The following FCSK variants were observed in gnomAD, a reference collection of about 807,000 sequenced individuals.
FCSK encodes fucose kinase.
A neutral mutation model predicts 122.5 loss-of-function variants in FCSK; 123 were observed. The ratio of observed to expected loss-of-function variants is 1.00; its 90% CI spans 0.87 to 1.17. The LOEUF (loss-of-function observed/expected upper bound fraction) is 1.17. Among genes scored for constraint, FCSK ranks in the 50% most tolerant of loss-of-function variants. FCSK has a pLI of 0.00. For missense variants in FCSK, 1,366 were observed against 1,450.4 expected, an observed-to-expected ratio of 0.94 and a Z score of 0.95; for synonymous variants, 620 against 625.5, an observed-to-expected ratio of 0.99 and a Z score of 0.13.
chr16:70,476,448 C>G (rs2048820268), intron 20 of FCSK: 1 of 152,526 alleles, frequency 6.6e-6, no homozygotes, highest in African/African-American at 2.4e-5. Context: ...GATATGATCA[C>G]CTGTGCCCCC....
In FCSK at chr16:70,454,617, CCGGGCGA is replaced by C. The variant is rs1319312233; in HGVS notation, c.-32_-26del. 6.6e-6 allele frequency: 1 copy of C among 152,194 alleles called. No individual in the cohort carries two copies. Among genetic ancestry groups the C allele is most frequent in the Non-Finnish European group, 1.5e-5 (1 of 68,032 alleles). The allele number at this position is 152,194 out of a possible 1,614,324, so 9.4% of individuals were successfully genotyped here. A position where few individuals can be genotyped will look rare whatever the true frequency, so the allele number is the denominator to read the frequency against. On this transcript the variant is annotated 5_prime_UTR_variant, in exon 1 of 24. Coordinates refer to ENST00000288078, the MANE Select transcript of FCSK (RefSeq NM_145059.3). Reference sequence around the variant, plus strand: ...GTTAAAGAGCCCGCTCCGCCGAGCGCCGGGCGACGGCAGGTACGTCAGTCCGCGAGGG... The same window carrying C: ...GTTAAAGAGCCCGCTCCGCCGAGCGCCGGCAGGTACGTCAGTCCGCGAGGG...
intron 1 of FCSK, among the ~76,000 whole-genome samples, chr16:70,460,783 C>T (rs1351199310): frequency 6.6e-6 from 1 of 152,204 alleles, no homozygotes; most frequent in East Asian, 1.9e-4. Context: ...CAGCTGTGCT[C>T]AGTCACTGGT....
chr16:70,471,940 G>C (rs1005142899), intron 13 of FCSK, among the ~76,000 whole-genome samples: 1 of 152,058 alleles, frequency 6.6e-6, no homozygotes, highest in African/African-American at 2.4e-5. Context: ...TGAGTAGCTG[G>C]GAGTACAGGC....
In FCSK at chr16:70,473,202, G is replaced by A; in HGVS notation, c.1626G>A (p.Thr542=). The A allele has an allele frequency of 1.4e-5, 22 of 1,537,788 alleles. No homozygotes were observed. The highest frequency in any genetic ancestry group is 2.4e-5 in the South Asian group (2 of 83,974). Reference sequence around the variant, plus strand: ...AGCCGTGCCTGGATCGGGCTGCCACGCTGGCCTCTCGCCGGGACCTGTTCT... The same window carrying A: ...AGCCGTGCCTGGATCGGGCTGCCACACTGGCCTCTCGCCGGGACCTGTTCT... ...QLQPCLDRAA[T]LASRRDLFFR... Residue 542 remains threonine (T), a synonymous_variant, in exon 15 of 24, where the codon ACG becomes ACA. Transcript: ENST00000288078. This position sits in a 1 kb window ranked among gnomAD's most constrained non-coding sequence, Gnocchi z 4.9.
chr16:70,472,455 T>C, intron 13 of FCSK, 86 bp from the exon 14 acceptor site: 2 of 1,062,154 alleles, frequency 1.9e-6, no homozygotes, highest in Non-Finnish European at 2.8e-6. Flanking sequence ...ATGTGAGCAC[T>C]TGAGCAGCTC....
At position 70,479,733 on chromosome 16, in the gene FCSK, C is replaced by T. The variant is rs2048940673; in HGVS notation, c.*53C>T. On this transcript the variant is annotated 3_prime_UTR_variant, in exon 24 of 24. Coordinates refer to ENST00000288078, the MANE Select transcript of FCSK (RefSeq NM_145059.3). ...AACCTGGAGCTACAGTGTCCCCCAC[C>T]TTCCTTGCCCCATGGGAACCTCCAC... 1 of 1,435,988 alleles carries T rather than the reference C, an allele frequency of 7.0e-7. No homozygotes were observed. Among genetic ancestry groups the T allele is most frequent in the South Asian group, 1.2e-5 (1 of 83,260 alleles). The allele number at this position is 1,435,988 out of a possible 1,614,324, so 89.0% of individuals were successfully genotyped here.
In FCSK at chr16:70,474,139, G is replaced by C. The variant is rs777669150; in HGVS notation, c.1788G>C (p.Gly596=). The C allele has an allele frequency of 1.3e-6, 2 of 1,550,194 alleles. No individual in the cohort carries two copies. The highest frequency in any genetic ancestry group is 2.7e-5 in the African/African-American group (2 of 73,064). The stretch of plus-strand genomic sequence containing the variant: ...CTCCTTGTCCCTCAGTTGCAGCTGG[G>C]GCAGGAGACCCTGGTGTGGCGGCAC... ...LLATLDQVAA[G]AGDPGVAARA... is the part of the protein sequence containing the mutation. Residue 596 remains glycine (G), a synonymous_variant, in exon 16 of 24, where the codon GGG becomes GGC. Coordinates refer to ENST00000288078, the MANE Select transcript of FCSK (RefSeq NM_145059.3).
intron 1 of FCSK, among the ~76,000 whole-genome samples, chr16:70,458,900 A>C (rs1037976020): frequency 3.3e-5 from 5 of 152,194 alleles, no homozygotes; most frequent in Non-Finnish European, 5.9e-5. Context: ...GTGGTTAAGC[A>C]AGTGGACCCT....
rs2048059439 is a variant in FCSK at position 70,455,395 on chromosome 16, G to T, written c.-23+765G>T. On this transcript the variant is annotated intron_variant, in intron 1 of 23. Coordinates refer to ENST00000288078, the MANE Select transcript of FCSK (RefSeq NM_145059.3). ...AGCTACTTGGGAGGCTGAGGCGAGG[G>T]AATCGCTTGAACTCAGGAGATGGAG... Among the ~76,000 whole-genome samples, 3 of 151,922 alleles carry T rather than the reference G, an allele frequency of 2.0e-5. No homozygotes were observed. In the East Asian group the frequency reaches 5.8e-4, roughly 29 times the overall value.
chr16:70,465,939 C>T (rs566383409), intron 4 of FCSK, among the ~76,000 whole-genome samples, 193 bp from the exon 5 acceptor site: 1 of 152,068 alleles, frequency 6.6e-6, no homozygotes, highest in African/African-American at 2.4e-5. Context: ...GGCAACAGAG[C>T]AAGACTTAGT....
At position 70,479,954 on chromosome 16, in the gene FCSK, C is replaced by G. The variant is rs541468533; in HGVS notation, c.*274C>G. On this transcript the variant is annotated 3_prime_UTR_variant, in exon 24 of 24. Coordinates refer to ENST00000288078, the MANE Select transcript of FCSK (RefSeq NM_145059.3). ...TGGCCTTTACAAATCCTATGGCTGGCCTTCTCATTCCACAAGGGCCCTGGA... is the reference window on the plus strand; with the variant it reads ...TGGCCTTTACAAATCCTATGGCTGGGCTTCTCATTCCACAAGGGCCCTGGA... 10 of 311,912 alleles carry G rather than the reference C, an allele frequency of 3.2e-5. No individual in the cohort carries two copies. The highest frequency in any genetic ancestry group is 6.0e-5 in the Non-Finnish European group (10 of 167,542). The allele number at this position is 311,912 out of a possible 1,614,324, so 19.3% of individuals were successfully genotyped here. A position where few individuals can be genotyped will look rare whatever the true frequency, so the allele number is the denominator to read the frequency against.
rs547808858 is a variant in FCSK, at chr16:70,478,668, G to C, written c.2929+18G>C. The C allele has an allele frequency of 1.5e-5, 24 of 1,603,734 alleles. No individual in the cohort carries two copies. Among genetic ancestry groups the C allele is most frequent in the South Asian group, 9.9e-5 (9 of 90,780 alleles). On this transcript the variant is annotated intron_variant, in intron 22 of 23. Transcript: ENST00000288078. ...CCGCCAAGGTGAGGGGCTTCCTCTG[G>C]GGGGGTCAGGGCACTGGGAGCGAGT... is the stretch of plus-strand genomic sequence containing the variant.
chr16:70,472,692 A>T, intron 14 of FCSK, 87 bp downstream of exon 14: 5 of 1,119,134 alleles, frequency 4.5e-6, no homozygotes. Flanking sequence ...CCTGCCCCAG[A>T]GCAGCACGGG....
In FCSK at chr16:70,479,683, C is replaced by T; in HGVS notation, c.*3C>T. 6.2e-7 allele frequency: 1 copy of T among 1,612,726 alleles called. No individual in the cohort carries two copies. The highest frequency in any genetic ancestry group is 8.5e-7 in the Non-Finnish European group (1 of 1,179,028). ...CAACCTGTTGCCCTTTCCCATGAAG[C>T]TGGCTTCTCTCTGCAACAGGAGAAA... On this transcript the variant is annotated 3_prime_UTR_variant, in exon 24 of 24. Coordinates refer to ENST00000288078, the MANE Select transcript of FCSK (RefSeq NM_145059.3).
Position 70,470,327 on chromosome 16 carries a change from C to T in FCSK, c.969C>T (p.Ser323=), listed in dbSNP as rs1429542245. Residue 323 remains serine, a synonymous_variant, in exon 11 of 24, where the codon AGC becomes AGT. Transcript: ENST00000288078. Reference sequence around the variant, plus strand: ...ATGTCTTTACAGCCTATGTCTCCAGCGGCAGCTACAGCTACATGACCTCCT... The same window carrying T: ...ATGTCTTTACAGCCTATGTCTCCAGTGGCAGCTACAGCTACATGACCTCCT... ...DQPLTMAYVS[S]GSYSYMTSSA... is the part of the protein sequence containing the mutation. 4.3e-6 allele frequency: 7 copies of T among 1,612,224 alleles called. No homozygotes were observed. Among genetic ancestry groups the T allele is most frequent in the Admixed American group, 3.3e-5 (2 of 59,960 alleles).
At chr16:70,458,258 C>T (rs2048153826) in intron 1 of FCSK, among the ~76,000 whole-genome samples, 1 of 150,882 alleles carries the variant, frequency 6.6e-6, no homozygotes, top group African/African-American at 2.4e-5. Flanking sequence ...TTCCCAGGTT[C>T]AAGCGATTCT....
intron 1 of FCSK, among the ~76,000 whole-genome samples, chr16:70,457,286 G>T (rs575538502): frequency 1.3e-5 from 2 of 151,960 alleles, no homozygotes; most frequent in East Asian, 2.0e-4. Flanking sequence ...AGACAGAGTC[G>T]CTCTGTTGCC....
chr16:70,472,654 GCTGCTGCTCTTTGAGGTGTGTCCCTCCC>G (rs925515730), intron 14 of FCSK, 49 bp downstream of exon 14: 1 of 1,444,312 alleles, frequency 6.9e-7, no homozygotes, highest in Non-Finnish European at 9.6e-7. Flanking sequence ...AGCTGGGGTG[GCTGCTGCTCTTTGAGGTGTGTCCCTCCC>G]CTGCCCCAGA....
chr16:70,469,457 GC>G, intron 10 of FCSK, 134 bp downstream of exon 10: 1 of 752,622 alleles, frequency 1.3e-6, no homozygotes, highest in Non-Finnish European at 2.1e-6. Flanking sequence ...CTGTGCCAGA[GC>G]CCCCCACTGA....
Sources: gnomAD v4.1 joint callset for allele counts (sites outside exome capture counted in the v4.1 genomes callset) on GRCh38, gnomAD v4.1.1 for gene constraint, Gnocchi (gnomAD v3.1) non-coding constraint, MANE v1.5 for transcripts, NCBI Gene and HGNC (gene_info 2026-07-23, HGNC 2026-07-21) for gene names.